The following FAT3 variants were observed in gnomAD, a reference collection of about 807,000 sequenced individuals.
FAT3 encodes protocadherin Fat 3.
A neutral mutation model predicts 310.2 loss-of-function variants in FAT3; 95 were observed. The observed-to-expected ratio is 0.31, with a 90% CI of 0.26 to 0.36. The LOEUF (loss-of-function observed/expected upper bound fraction) is 0.36, where lower values mean the gene tolerates loss of function less well. FAT3 is among the 10% of genes least tolerant of loss of function. The pLI is 1.00. For synonymous variants in FAT3, 2,314 were observed against 2,192.9 expected (o/e 1.06, Z -1.54); for missense variants, 5,408 against 5,715.6 (o/e 0.95, Z 1.74).
At chr11:92,760,447 C>T (rs921240689) in intron 4 of FAT3, among the ~76,000 whole-genome samples, 21 of 152,224 alleles carry the variant, frequency 1.4e-4, no homozygotes, top group African/African-American at 4.6e-4. Flanking sequence ...TGATGTTGAG[C>T]GCATCTTTAT....
intron 1 of FAT3, among the ~76,000 whole-genome samples, chr11:92,290,758 C>T (rs956555666): frequency 6.7e-6 from 1 of 150,282 alleles, no homozygotes; most frequent in South Asian, 2.1e-4. Flanking sequence ...AGTGAGACTC[C>T]ATCTCAAAAA....
chr11:92,659,532 T>C (rs1484830442), intron 3 of FAT3, among the ~76,000 whole-genome samples: 1 of 152,178 alleles, frequency 6.6e-6, no homozygotes, highest in Non-Finnish European at 1.5e-5. Context: ...ATCTTACACC[T>C]TTTCTCACAC....
chr11:92,792,648 GGAACTGGGTCAA>G, intron 8 of FAT3, 107 bp from the exon 9 acceptor site: 1 of 894,444 alleles, frequency 1.1e-6, no homozygotes, highest in Non-Finnish European at 1.7e-6. Flanking sequence ...CTAGAAGCCT[GGAACTGGGTCAA>G]GCACTTTGCG....
chr11:92,431,822 T>C (rs1950788328), intron 2 of FAT3, among the ~76,000 whole-genome samples: 1 of 152,226 alleles, frequency 6.6e-6, no homozygotes, highest in Admixed American at 6.5e-5. Flanking sequence ...TATGCGGAAT[T>C]ATTTCTGAGG....
chr11:92,757,268 G>T (rs892200086), intron 4 of FAT3, among the ~76,000 whole-genome samples: 2 of 152,132 alleles, frequency 1.3e-5, no homozygotes, highest in Admixed American at 1.3e-4. Flanking sequence ...ATCATCTAAA[G>T]AAATTAATCT....
chr11:92,273,592 A>G (rs1423895246), intron 1 of FAT3, among the ~76,000 whole-genome samples: 1 of 152,114 alleles, frequency 6.6e-6, no homozygotes, highest in African/African-American at 2.4e-5. Flanking sequence ...AGAAGCTGGC[A>G]AATGAAGTTG....
At chr11:92,423,043 T>G (rs1266898513) in intron 2 of FAT3, among the ~76,000 whole-genome samples, 1 of 152,214 alleles carries the variant, frequency 6.6e-6, no homozygotes, top group Non-Finnish European at 1.5e-5. Flanking sequence ...CTATTTGATG[T>G]GTTTACACTA....
intron 13 of FAT3, among the ~76,000 whole-genome samples, chr11:92,829,904 A>T (rs1311632741): frequency 6.6e-6 from 1 of 152,104 alleles, no homozygotes; most frequent in Non-Finnish European, 1.5e-5. Flanking sequence ...ATATGATTTT[A>T]TTGGTTTGCT....
chr11:92,412,270 T>G (rs2134926830), intron 2 of FAT3, among the ~76,000 whole-genome samples: 1 of 151,934 alleles, frequency 6.6e-6, no homozygotes, highest in Non-Finnish European at 1.5e-5. Context: ...ACCCAGCTAA[T>G]TTTTGTATTT....
At chr11:92,514,581 T>C (rs1236966930) in intron 2 of FAT3, among the ~76,000 whole-genome samples, 1 of 152,164 alleles carries the variant, frequency 6.6e-6, no homozygotes, top group East Asian at 1.9e-4. Context: ...TTGTAGATGG[T>C]TTATTTTTTA....
chr11:92,806,219 A>G, intron 11 of FAT3, 143 bp from the exon 12 acceptor site: 1 of 689,276 alleles, frequency 1.5e-6, no homozygotes, highest in Non-Finnish European at 2.4e-6. Context: ...AATATATTGA[A>G]ATATGTTTCT....
intron 13 of FAT3, among the ~76,000 whole-genome samples, chr11:92,828,172 G>A (rs1327485895): frequency 6.6e-6 from 1 of 151,810 alleles, no homozygotes; most frequent in Non-Finnish European, 1.5e-5. Context: ...TTGAAGGATG[G>A]CATTTATCAA....
chr11:92,341,008 G>T (rs370442049), intron 1 of FAT3, among the ~76,000 whole-genome samples: 1 of 152,104 alleles, frequency 6.6e-6, no homozygotes. Flanking sequence ...GCACCTCTAG[G>T]GGGCAGCATT....
chr11:92,729,917 G>A (rs375347585), intron 4 of FAT3, among the ~76,000 whole-genome samples: 1 of 152,116 alleles, frequency 6.6e-6, no homozygotes, highest in South Asian at 2.1e-4. Context: ...TAAATTCTAT[G>A]CTCAGAATCT....
At chr11:92,686,610 A>G (rs556977026) in intron 3 of FAT3, among the ~76,000 whole-genome samples, 1 of 152,290 alleles carries the variant, frequency 6.6e-6, no homozygotes, top group African/African-American at 2.4e-5. Context: ...AATTAACTGG[A>G]AAATATGTGG....
At chr11:92,413,208 A>C (rs535891660) in intron 2 of FAT3, among the ~76,000 whole-genome samples, 3 of 152,168 alleles carry the variant, frequency 2.0e-5, no homozygotes, top group Admixed American at 6.5e-5. Flanking sequence ...TAATGTCAAC[A>C]AAGGAACCCT....
intron 4 of FAT3, among the ~76,000 whole-genome samples, chr11:92,701,994 T>G (rs1164247367): frequency 2.0e-5 from 3 of 152,210 alleles, no homozygotes; most frequent in African/African-American, 7.2e-5. Flanking sequence ...GTGGGAAAGC[T>G]CAGATGTTAA....
At chr11:92,459,072 C>T (rs772496535) in intron 2 of FAT3, among the ~76,000 whole-genome samples, 31 of 152,150 alleles carry the variant, frequency 2.0e-4, no homozygotes, top group Non-Finnish European at 4.1e-4. Context: ...TGATCCTTTA[C>T]CCCTACTGCA....
chr11:92,652,039 C>T (rs2135761783), intron 3 of FAT3, among the ~76,000 whole-genome samples: 1 of 152,276 alleles, frequency 6.6e-6, no homozygotes, highest in Non-Finnish European at 1.5e-5. Context: ...CCACAGAGAG[C>T]TGACAGTGTG....
Sources: gnomAD v4.1 joint callset for allele counts (sites outside exome capture counted in the v4.1 genomes callset) on GRCh38, gnomAD v4.1.1 for gene constraint, MANE v1.5 for transcripts, NCBI Gene and HGNC (gene_info 2026-07-23, HGNC 2026-07-21) for gene names.